Variants in LRP6 observed in about 807,000 individuals in gnomAD.
LRP6 encodes low-density lipoprotein receptor-related protein 6.
In LRP6, 43 loss-of-function variants were observed where a neutral mutation model predicts 184.1. That is an observed-to-expected ratio of 0.23 (90% CI 0.18 to 0.30). The LOEUF (loss-of-function observed/expected upper bound fraction) is 0.30, where lower values mean the gene tolerates loss of function less well. Among genes scored for constraint, LRP6 ranks in the 10% least tolerant of loss-of-function variants. The pLI, the probability that LRP6 is intolerant of heterozygous loss-of-function variation, is 1.00. For missense variants in LRP6, 1,571 were observed against 2,005.3 expected (o/e 0.78, Z 4.14); for synonymous variants, 719 against 684.9 (o/e 1.05, Z -0.78).
intron 12 of LRP6, among the ~76,000 whole-genome samples, chr12:12,157,924 T>C (rs1862638380): frequency 6.6e-6 from 1 of 152,164 alleles, no homozygotes; most frequent in Admixed American, 6.5e-5. Context: ...ACTTTGTTGT[T>C]AGTGTTATGT....
chr12:12,262,393 T>C (rs987820136), intron 1 of LRP6, among the ~76,000 whole-genome samples: 2 of 148,462 alleles, frequency 1.3e-5, no homozygotes, highest in Non-Finnish European at 3.0e-5. Flanking sequence ...ACCAAAAAAA[T>C]ACAAAAATAC....
At chr12:12,238,357 G>A (rs898607032) in intron 2 of LRP6, among the ~76,000 whole-genome samples, 4 of 151,446 alleles carry the variant, frequency 2.6e-5, no homozygotes, top group Non-Finnish European at 5.9e-5. Flanking sequence ...TAAGGAGAAC[G>A]AAGGAAAATT....
intron 15 of LRP6, among the ~76,000 whole-genome samples, chr12:12,146,355 A>G (rs1406858906): frequency 6.6e-6 from 1 of 152,228 alleles, no homozygotes; most frequent in African/African-American, 2.4e-5. Context: ...CATACTGGCC[A>G]ATGCTAGGCA....
intron 22 of LRP6, 52 bp downstream of exon 22, chr12:12,124,513 G>T: frequency 7.4e-7 from 1 of 1,347,934 alleles, no homozygotes; most frequent in Non-Finnish European, 1.1e-6. Context: ...GTCCACAACT[G>T]AAACACTTTC....
intron 2 of LRP6, among the ~76,000 whole-genome samples, chr12:12,221,789 C>T (rs1484410867): frequency 1.3e-5 from 2 of 152,192 alleles, no homozygotes; most frequent in Non-Finnish European, 2.9e-5. Flanking sequence ...TAAATATTAG[C>T]TAATCATTAA....
rs150103298 is a variant in LRP6, at chr12:12,212,041, G to A, written c.450-8641C>T. ...CATACTCTCCTCTGTGCTCCTGCACGTTATTCTGATACTATGCTCCAGGTA... is the reference window on the plus strand; with the variant it reads ...CATACTCTCCTCTGTGCTCCTGCACATTATTCTGATACTATGCTCCAGGTA... On this transcript the variant is annotated intron_variant, in intron 2 of 22. Transcript: ENST00000261349. Among the ~76,000 whole-genome samples, 716 of 152,266 alleles carry A rather than the reference G, an allele frequency of 4.7e-3. 5 individuals are homozygous for A. Among genetic ancestry groups the A allele is most frequent in the African/African-American group, 0.016 (674 of 41,558 alleles).
chr12:12,147,563 G>A lies in LRP6; in HGVS notation c.3207-7C>T, dbSNP rs771809163. 3 of 1,607,772 alleles carry A rather than the reference G, an allele frequency of 1.9e-6. 1 individual carries two copies. Among genetic ancestry groups the A allele is most frequent in the South Asian group, 2.2e-5 (2 of 90,724 alleles). On this transcript the variant is annotated splice_polypyrimidine_tract_variant and splice_region_variant and intron_variant, in intron 14 of 22. Coordinates refer to ENST00000261349, the MANE Select transcript of LRP6 (RefSeq NM_002336.3). ...ATTGGTAAAATACATATACCTAGAG[G>A]GAAAGGAGGAAAAAAATAAGTTACT...
In LRP6 at chr12:12,180,889, T is replaced by C. The variant is rs539506991; in HGVS notation, c.1373+154A>G. ...AAACTAGCAATTTTTAAACTTGAGA[T>C]TGTATTCTAATCACCATATCCTAAA... On this transcript the variant is annotated intron_variant, in intron 6 of 22. Transcript: ENST00000261349. 5.9e-5 allele frequency among the ~76,000 whole-genome samples: 9 copies of C among 152,326 alleles called. No homozygotes were observed. In the South Asian group the frequency reaches 1.7e-3, roughly 28 times the overall value.
intron 1 of LRP6, among the ~76,000 whole-genome samples, chr12:12,254,162 AAAAG>A (rs567794631): frequency 7.4e-4 from 100 of 134,946 alleles, no homozygotes; most frequent in Non-Finnish European, 1.4e-3. Flanking sequence ...AAAAAAAAAA[AAAAG>A]AAAGAAAGAA....
At position 12,171,331 on chromosome 12, in the gene LRP6, A is replaced by G. The variant is rs184393252; in HGVS notation, c.1546-6036T>C. ...GGAGATCAAGACCATCCTGGCTAAC[A>G]TGGTGAAACTCCATCTCTACTAAAA... On this transcript the variant is annotated intron_variant, in intron 7 of 22. Coordinates refer to ENST00000261349, the MANE Select transcript of LRP6 (RefSeq NM_002336.3). 1.2e-3 allele frequency among the ~76,000 whole-genome samples: 188 copies of G among 152,266 alleles called. 2 individuals carry two copies. The highest frequency in any genetic ancestry group is 1.7e-3 in the Non-Finnish European group (116 of 68,026).
At chr12:12,260,987 C>T (rs1865600369) in intron 1 of LRP6, among the ~76,000 whole-genome samples, 1 of 152,140 alleles carries the variant, frequency 6.6e-6, no homozygotes, top group Non-Finnish European at 1.5e-5. Context: ...AAAATATTTT[C>T]CATTAATATA....
At position 12,119,256 on chromosome 12, in the gene LRP6, A is replaced by C. The variant is rs894582368; in HGVS notation, c.*1870T>G. ...TTAGGTATTTTTAACTTGCATGAAC[A>C]GTTACTTCACCCTTGCCCAAATTCT... On this transcript the variant is annotated 3_prime_UTR_variant, in exon 23 of 23. Transcript: ENST00000261349. The C allele has an allele frequency of 6.6e-6, 1 of 152,204 alleles. No individual in the cohort carries two copies. The highest frequency in any genetic ancestry group is 2.1e-4 in the South Asian group (1 of 4,830). 9.4% of individuals were successfully genotyped at this position (152,204 alleles called of 1,614,324 possible).
In LRP6 at chr12:12,128,965, T is replaced by C. The variant is rs190999427; in HGVS notation, c.4081+1818A>G. On this transcript the variant is annotated intron_variant, in intron 19 of 22. Transcript: ENST00000261349. ...ATTTAGATCTTTATCATCTTCTGCC[T>C]AAACTCTAATCGCTTCCTTTTTAAA... Among the ~76,000 whole-genome samples the C allele has an allele frequency of 9.6e-4, 147 of 152,360 alleles. 2 individuals carry two copies. Among genetic ancestry groups the C allele is most frequent in the Admixed American group, 7.1e-3 (108 of 15,302 alleles).
At position 12,207,028 on chromosome 12, in the gene LRP6, G is replaced by A. The variant is rs79339758; in HGVS notation, c.450-3628C>T. ...AGCATTTATTCCAGAAAAATACACC[G>A]CATCTCAATAAGAACTGTGGTATTT... is the stretch of plus-strand genomic sequence containing the variant. On this transcript the variant is annotated intron_variant, in intron 2 of 22. Transcript: ENST00000261349. 5.2e-3 allele frequency among the ~76,000 whole-genome samples: 796 copies of A among 152,130 alleles called. 19 individuals are homozygous for A. In the South Asian group the frequency reaches 0.066, roughly 13 times the overall value.
chr12:12,233,133 CAG>C (rs1490016514), intron 2 of LRP6, among the ~76,000 whole-genome samples: 2 of 152,016 alleles, frequency 1.3e-5, no homozygotes, highest in Non-Finnish European at 2.9e-5. Flanking sequence ...CCAAGTAACA[CAG>C]GGGGATAAAA....
chr12:12,162,458 G>A (rs774652873), intron 9 of LRP6, 39 bp from the exon 10 acceptor site: 3 of 1,522,408 alleles, frequency 2.0e-6, no homozygotes, highest in South Asian at 1.1e-5. Flanking sequence ...TATGGCATAA[G>A]TCTAAACCCT....
rs746472790 is a variant in LRP6, at chr12:12,203,215, T to A, written c.635A>T (p.Asp212Val). The A allele has an allele frequency of 6.2e-7, 1 of 1,609,686 alleles. No individual in the cohort carries two copies. Among genetic ancestry groups the A allele is most frequent in the Non-Finnish European group, 8.5e-7 (1 of 1,178,206 alleles). The change falls in exon 3 of 23, where the codon GAT becomes GTT. Residue 212 changes from aspartate (D) to valine (V), a missense_variant. By Grantham distance (152) the Asp-to-Val change is radical. Transcript: ENST00000261349. The part of the protein sequence containing the change: ...KLNFIHKSNL[D>V]GTNRQAVVKG... ...CTTGTAATCTTACCGATTTGTTCCA[T>A]CCAGATTTGATTTGTGGATGAAATT...
At chr12:12,194,848 A>T (rs1057163680) in intron 3 of LRP6, among the ~76,000 whole-genome samples, 1 of 151,994 alleles carries the variant, frequency 6.6e-6, no homozygotes, top group African/African-American at 2.4e-5. Context: ...TTTTTTAGCA[A>T]ATCTCTTCTT....
rs1039912714 is a variant in LRP6, at chr12:12,189,642, T to C, written c.648-2523A>G. On this transcript the variant is annotated intron_variant, in intron 3 of 22. Coordinates refer to ENST00000261349, the MANE Select transcript of LRP6 (RefSeq NM_002336.3). Reference sequence around the variant, plus strand: ...TCAGCCTCCCAAGTAGCTGGGATTATAGGCATGCACCACCATGCCTGGCTA... The same window carrying C: ...TCAGCCTCCCAAGTAGCTGGGATTACAGGCATGCACCACCATGCCTGGCTA... Among the ~76,000 whole-genome samples, 28 of 152,132 alleles carry C rather than the reference T, an allele frequency of 1.8e-4. 1 individual carries two copies. The highest frequency in any genetic ancestry group is 1.5e-3 in the East Asian group (8 of 5,164).
Sources: gnomAD v4.1 joint callset for allele counts (sites outside exome capture counted in the v4.1 genomes callset) on GRCh38, gnomAD v4.1.1 for gene constraint, MANE v1.5 for transcripts, NCBI Gene and HGNC (gene_info 2026-07-23, HGNC 2026-07-21) for gene names.